Variants in TMED3 observed in about 807,000 individuals in gnomAD.
TMED3 encodes the protein transmembrane p24 trafficking protein 3.
TMED3 carries 9 observed loss-of-function variants against 15.0 expected under a neutral mutation model. The observed-to-expected ratio is 0.60, with a 90% CI of 0.36 to 1.04. The LOEUF (loss-of-function observed/expected upper bound fraction) is 1.04, where lower values mean the gene tolerates loss of function less well. Ranked by LOEUF, TMED3 falls within the 50% of genes least tolerant of loss-of-function variation. The pLI is 0.01. For missense variants in TMED3, 267 were observed against 278.9 expected (o/e 0.96, Z 0.30); for synonymous variants, 117 against 121.4 (o/e 0.96, Z 0.24).
chr15:79,400,330 CG>C (rs1377247141), intron 2 of TMED3, among the ~76,000 whole-genome samples: 1 of 152,190 alleles, frequency 6.6e-6, no homozygotes, highest in East Asian at 1.9e-4. Flanking sequence ...CTGGCTTCTT[CG>C]GTGATCTGTA....
intron 2 of TMED3, among the ~76,000 whole-genome samples, chr15:79,381,487 G>T (rs1893535793): frequency 6.6e-6 from 1 of 152,346 alleles, no homozygotes. Context: ...GGTAGCAGGT[G>T]ATCTGTAGTC....
intron 2 of TMED3, among the ~76,000 whole-genome samples, chr15:79,398,120 A>G (rs1327306611): frequency 6.6e-6 from 1 of 151,066 alleles, no homozygotes; most frequent in Non-Finnish European, 1.5e-5. Context: ...TGCCCTAAAA[A>G]CCTCTGCGCT....
intron 2 of TMED3, among the ~76,000 whole-genome samples, chr15:79,407,243 A>G (rs1193993915): frequency 1.3e-5 from 2 of 152,206 alleles, no homozygotes; most frequent in Non-Finnish European, 2.9e-5. Context: ...AACTGGCTCT[A>G]CCTGAGTTTA....
downstream of TMED3, among the ~76,000 whole-genome samples, chr15:79,327,695 G>A (rs1443955042): frequency 1.3e-5 from 2 of 152,202 alleles, no homozygotes; most frequent in African/African-American, 4.8e-5. Context: ...GATGGTATCT[G>A]GGAGAGTCTG....
At chr15:79,384,445 G>A (rs955270960) in intron 2 of TMED3, 1 of 151,156 alleles carries the variant, frequency 6.6e-6, no homozygotes, top group Admixed American at 6.6e-5. Context: ...TATGCAGCTG[G>A]GGGAGTCTAT....
At chr15:79,386,476 A>G (rs750953186) in intron 2 of TMED3, among the ~76,000 whole-genome samples, 6 of 152,074 alleles carry the variant, frequency 3.9e-5, no homozygotes, top group East Asian at 1.9e-4. Flanking sequence ...CTTTGACTAT[A>G]TGTCCTCCTG....
chr15:79,350,102 G>A lies in TMED3; in HGVS notation c.417+36097G>A, dbSNP rs147180399. Among the ~76,000 whole-genome samples, 186 of 152,288 alleles carry A rather than the reference G, an allele frequency of 1.2e-3. 1 individual carries two copies. The highest frequency in any genetic ancestry group is 6.8e-3 in the Middle Eastern group (2 of 294). On this transcript the variant is annotated intron_variant, in intron 2 of 2. Coordinates refer to the TMED3 transcript ENST00000424155. ...TGCCTAGAGGAGTGGCCAGCACAGA[G>A]AAGGCTCAGTGAATATTTGTTGAAG...
Position 79,382,955 on chromosome 15 carries a change from T to C in TMED3, c.418-28445T>C, listed in dbSNP as rs1411823571. ...ATTACAAGGGCATAAACACGATTTATTTCTTTTCCAAGGGTCCCAGTGCTT... is the reference window on the plus strand; with the variant it reads ...ATTACAAGGGCATAAACACGATTTACTTCTTTTCCAAGGGTCCCAGTGCTT... On this transcript the variant is annotated intron_variant, in intron 2 of 2. Coordinates refer to the TMED3 transcript ENST00000424155. 2.6e-6 allele frequency: 4 copies of C among 1,535,494 alleles called. No individual in the cohort carries two copies. The South Asian group carries it at 4.8e-5, about 18-fold the overall frequency.
At position 79,390,721 on chromosome 15, in the gene TMED3, C is replaced by CT. The variant is rs886138155; in HGVS notation, c.418-20670dup. ...TGCGGTGAATCCATGTGGTTTTGGACTTTTTTTTTAATTTTTAAGTTACCA... is the reference window on the plus strand; with the variant it reads ...TGCGGTGAATCCATGTGGTTTTGGACTTTTTTTTTTAATTTTTAAGTTACCA... On this transcript the variant is annotated intron_variant, in intron 2 of 2. Coordinates refer to the TMED3 transcript ENST00000424155. Among the ~76,000 whole-genome samples, 16 of 150,688 alleles carry CT rather than the reference C, an allele frequency of 1.1e-4. No homozygotes were observed. The South Asian group carries it at 1.9e-3, about 18-fold the overall frequency.
chr15:79,363,586 C>G (rs1193559597), intron 2 of TMED3, among the ~76,000 whole-genome samples: 2 of 151,392 alleles, frequency 1.3e-5, no homozygotes, highest in Non-Finnish European at 2.9e-5. Context: ...ACACAAATGG[C>G]TGATGAGTAT....
chr15:79,317,150 C>A (rs1038181918), intron 2 of TMED3, among the ~76,000 whole-genome samples: 1 of 152,136 alleles, frequency 6.6e-6, no homozygotes, highest in African/African-American at 2.4e-5. Flanking sequence ...GGAACTGGTC[C>A]CTTTGCTATC....
Position 79,311,286 on chromosome 15 carries a change from C to T in TMED3, c.37C>T (p.Leu13Phe). 1 of 1,607,110 alleles carries T rather than the reference C, an allele frequency of 6.2e-7. No individual in the cohort carries two copies. The highest frequency in any genetic ancestry group is 8.5e-7 in the Non-Finnish European group (1 of 1,177,884). ...TGTCCCGCGCTCCGCCTCCGTGCTG[C>T]TTCTGCTGCTGCTCCTGCGCCGGGC... ...STVPRSASVL[L>F]LLLLLRRAEQ... Residue 13 changes from leucine to phenylalanine, a missense_variant, in exon 1 of 3, where the codon CTT becomes TTT. Leu to Phe is a conservative substitution (Grantham distance 22). Around this residue, in one of 3 missense-constraint regions of TMED3, gnomAD observed 59 missense variants for 47.0 expected, o/e 1.26. Coordinates refer to ENST00000299705, the MANE Select transcript of TMED3 (RefSeq NM_007364.4).
rs187646607 is a variant in TMED3 at position 79,344,886 on chromosome 15, T to C, written c.417+30881T>C. On this transcript the variant is annotated intron_variant, in intron 2 of 2. Coordinates refer to the TMED3 transcript ENST00000424155. ...ACAATGTTTTATAGGAGTTTAACTT[T>C]AAAGCTTTGCTGTGTTTGAGCAGTA... Among the ~76,000 whole-genome samples, 202 of 152,320 alleles carry C rather than the reference T, an allele frequency of 1.3e-3. 1 individual carries two copies. Among genetic ancestry groups the C allele is most frequent in the African/African-American group, 4.6e-3 (190 of 41,572 alleles).
At chr15:79,404,692 G>C (rs1055503081) in intron 2 of TMED3, among the ~76,000 whole-genome samples, 1 of 152,066 alleles carries the variant, frequency 6.6e-6, no homozygotes, top group Non-Finnish European at 1.5e-5. Flanking sequence ...AACATTTGCC[G>C]CTACCCAGAA....
intron 2 of TMED3, among the ~76,000 whole-genome samples, chr15:79,390,561 A>G (rs1893682889): frequency 2.0e-5 from 3 of 151,884 alleles, no homozygotes; most frequent in African/African-American, 7.2e-5. Flanking sequence ...TTTTTTGGTT[A>G]AGTCCTTTCC....
exon 3 of TMED3, chr15:79,412,565 C>G (rs1321566355): frequency 1.3e-5 from 2 of 152,422 alleles, no homozygotes; most frequent in Non-Finnish European, 2.9e-5. Flanking sequence ...CATGCTAACA[C>G]CACTACCAGC....
intron 2 of TMED3, among the ~76,000 whole-genome samples, chr15:79,394,451 A>G (rs767342996): frequency 6.6e-6 from 1 of 152,300 alleles, no homozygotes; most frequent in East Asian, 1.9e-4. Flanking sequence ...AAAAATACAC[A>G]TGGGGAGGGA....
chr15:79,355,635 C>T (rs2058915970), intron 2 of TMED3, among the ~76,000 whole-genome samples: 1 of 152,160 alleles, frequency 6.6e-6, no homozygotes, highest in Admixed American at 6.5e-5. Context: ...CTGCAACCCT[C>T]AGCAAAAGGA....
intron 2 of TMED3, among the ~76,000 whole-genome samples, chr15:79,334,422 C>T (rs1023228794): frequency 9.2e-5 from 14 of 152,140 alleles, no homozygotes; most frequent in Admixed American, 7.9e-4. Flanking sequence ...GACCCCTTCT[C>T]TTTTCCTCAT....
Sources: gnomAD v4.1 joint callset for allele counts (sites outside exome capture counted in the v4.1 genomes callset) on GRCh38, gnomAD v4.1.1 for gene constraint, gnomAD v4.1.1 regional missense constraint, MANE v1.5 for transcripts, NCBI Gene and HGNC (gene_info 2026-07-23, HGNC 2026-07-21) for gene names.